BCL9: variants seen among roughly 807,000 people sequenced by gnomAD.
The protein encoded by BCL9 is BCL9 transcription coactivator, also known as B-cell CLL/lymphoma 9 protein.
BCL9 carries 25 observed loss-of-function variants against 88.5 expected under a neutral mutation model. The observed-to-expected ratio is 0.28, with a 90% CI of 0.21 to 0.39. BCL9 has a LOEUF of 0.39. BCL9 is among the 10% of genes least tolerant of loss of function. The pLI, the probability that BCL9 is intolerant of heterozygous loss-of-function variation, is 1.00. For synonymous variants in BCL9, 711 were observed against 673.3 expected (o/e 1.06, Z -0.87); for missense variants, 1,817 against 1,877.8 (o/e 0.97, Z 0.60).
chr1:147,624,446 A>C lies in BCL9; in HGVS notation c.3768A>C (p.Glu1256Asp). The C allele has an allele frequency of 6.2e-7, 1 of 1,614,224 alleles. No individual in the cohort carries two copies. Among genetic ancestry groups the C allele is most frequent in the Admixed American group, 1.7e-5 (1 of 60,028 alleles). The stretch of plus-strand genomic sequence containing the variant: ...CGCTGCAATATTTCCCTCGAGGGGA[A>C]GTTCCAGGCCGTAAACAGCCCCAGG... ...SQTLQYFPRG[E>D]VPGRKQPQGP... Residue 1256 changes from glutamate to aspartate, a missense_variant, in exon 10 of 10, where the codon GAA becomes GAC. Glu to Asp is a conservative substitution (Grantham distance 45). Coordinates refer to ENST00000234739, the MANE Select transcript of BCL9 (RefSeq NM_004326.4). The surrounding 1 kb of genome is among the most constrained non-coding windows in gnomAD (Gnocchi z 4.4).
At position 147,578,181 on chromosome 1, in the gene BCL9, C is replaced by T. The variant is rs1010668935; in HGVS notation, c.-477-26596C>T. Among the ~76,000 whole-genome samples, 12 of 152,248 alleles carry T rather than the reference C, an allele frequency of 7.9e-5. No homozygotes were observed. The East Asian group carries it at 2.3e-3, about 29-fold the overall frequency. ...CTGACTTCAATTATTCCCCTTTCCC[C>T]ATTAATTTAGTCAGTACTGCTTTCT... is the stretch of plus-strand genomic sequence containing the variant. On this transcript the variant is annotated intron_variant, in intron 1 of 9. Coordinates refer to ENST00000234739, the MANE Select transcript of BCL9 (RefSeq NM_004326.4).
At chr1:147,573,575 A>G (rs1570843385) in intron 1 of BCL9, among the ~76,000 whole-genome samples, 1 of 152,340 alleles carries the variant, frequency 6.6e-6, no homozygotes, top group East Asian at 1.9e-4. Context: ...CTCCGGAGTG[A>G]GACCGGGGTT....
chr1:147,604,283 A>G (rs1427182923), intron 1 of BCL9, among the ~76,000 whole-genome samples: 1 of 152,170 alleles, frequency 6.6e-6, no homozygotes, highest in Admixed American at 6.5e-5. Flanking sequence ...AGTCCGTGGG[A>G]TCCCAAGTTA....
At chr1:147,583,636 A>G (rs1399787605) in intron 1 of BCL9, among the ~76,000 whole-genome samples, 5 of 151,902 alleles carry the variant, frequency 3.3e-5, no homozygotes, top group Non-Finnish European at 5.9e-5. Context: ...TTACATTTGT[A>G]TGTAATCAAG....
Position 147,622,203 on chromosome 1 carries a change from T to C in BCL9, c.2903-68T>C, listed in dbSNP as rs587602411. On this transcript the variant is annotated intron_variant, in intron 8 of 9. Transcript: ENST00000234739. The stretch of plus-strand genomic sequence containing the variant: ...TCCTGGCCTTGCTAGTTCATAATCA[T>C]AGGGCCCAATACCCTTCAAAAGGAA... 2.5e-5 allele frequency: 40 copies of C among 1,582,352 alleles called. No individual in the cohort carries two copies. In the East Asian group the frequency reaches 8.5e-4, roughly 34 times the overall value.
In BCL9 at chr1:147,569,633, G is replaced by A. The variant is rs587752415; in HGVS notation, c.-478+27959G>A. ...CCACTGCACTCCAGCCTGGATAACA[G>A]AGTGAGACTCCGTCTCACAAAAAAA... is the stretch of plus-strand genomic sequence containing the variant. On this transcript the variant is annotated intron_variant, in intron 1 of 9. Transcript: ENST00000234739. Among the ~76,000 whole-genome samples, 4 of 151,276 alleles carry A rather than the reference G, an allele frequency of 2.6e-5. No individual in the cohort carries two copies. In the South Asian group the frequency reaches 8.4e-4, roughly 32 times the overall value.
intron 1 of BCL9, among the ~76,000 whole-genome samples, chr1:147,542,997 G>T (rs1279688657): frequency 1.3e-5 from 2 of 152,104 alleles, no homozygotes; most frequent in Admixed American, 1.3e-4. Flanking sequence ...GTGTGTGTAC[G>T]AGGCTAAGAA....
In BCL9 at chr1:147,620,489, C is replaced by T. The variant is rs1553205053; in HGVS notation, c.2334C>T (p.Gly778=). The change falls in exon 8 of 10, where the codon GGC becomes GGT. Residue 778 remains glycine (G), a synonymous_variant. Coordinates refer to ENST00000234739, the MANE Select transcript of BCL9 (RefSeq NM_004326.4). ...PFGEHPQQEY[G]MGPRPFLPMS... Reference sequence around the variant, plus strand: ...GTGAGCACCCCCAGCAGGAGTATGGCATGGGCCCCAGACCATTCCTTCCCA... The same window carrying T: ...GTGAGCACCCCCAGCAGGAGTATGGTATGGGCCCCAGACCATTCCTTCCCA... 1 of 1,614,170 alleles carries T rather than the reference C, an allele frequency of 6.2e-7. No homozygotes were observed.
At chr1:147,547,920 C>T (rs1470746996) in intron 1 of BCL9, among the ~76,000 whole-genome samples, 4 of 152,172 alleles carry the variant, frequency 2.6e-5, no homozygotes, top group Non-Finnish European at 5.9e-5. Flanking sequence ...TTTTAATGAT[C>T]TAAGTAGTTA....
intron 1 of BCL9, among the ~76,000 whole-genome samples, chr1:147,568,250 A>C (rs1340698461): frequency 6.6e-6 from 1 of 152,206 alleles, no homozygotes; most frequent in African/African-American, 2.4e-5. Context: ...TCTCCTAAGA[A>C]ATGCAGTTCT....
intron 1 of BCL9, among the ~76,000 whole-genome samples, chr1:147,587,725 A>G (rs1553199416): frequency 2.6e-5 from 4 of 151,272 alleles, no homozygotes; most frequent in Non-Finnish European, 4.4e-5. Flanking sequence ...AATGTTCTCT[A>G]ATGGTGGGAT....
chr1:147,586,802 C>T (rs1384311941), intron 1 of BCL9, among the ~76,000 whole-genome samples: 3 of 152,138 alleles, frequency 2.0e-5, no homozygotes, highest in African/African-American at 7.2e-5. Context: ...TAAGGCCCAG[C>T]TCAAATATCT....
Position 147,620,663 on chromosome 1 carries a change from A to G in BCL9, c.2508A>G (p.Pro836=), listed in dbSNP as rs1438802387. The G allele has an allele frequency of 1.9e-6, 3 of 1,614,192 alleles. No homozygotes were observed. Among genetic ancestry groups the G allele is most frequent in the Non-Finnish European group, 2.5e-6 (3 of 1,180,030 alleles). ...CCACCAGCCTCAACACAGCTCCTCC[A>G]GTTCAGCGCGGCCTGGGGCGGAAGC... The part of the protein sequence containing the change: ...SNPTSLNTAP[P]VQRGLGRKPL... Residue 836 remains proline (P), a synonymous_variant, in exon 8 of 10, where the codon CCA becomes CCG. Coordinates refer to ENST00000234739, the MANE Select transcript of BCL9 (RefSeq NM_004326.4).
chr1:147,546,252 G>A (rs587772894), intron 1 of BCL9, among the ~76,000 whole-genome samples: 126 of 152,000 alleles, frequency 8.3e-4, no homozygotes, highest in African/African-American at 3.0e-3. Context: ...GCAGGAGAAT[G>A]GTGTGAACCC....
chr1:147,559,199 C>G (rs1276513991), intron 1 of BCL9, among the ~76,000 whole-genome samples: 1 of 138,522 alleles, frequency 7.2e-6, no homozygotes. Flanking sequence ...AGTCAGTGAT[C>G]TTCTAATTTT....
chr1:147,603,111 G>T (rs1657486530), intron 1 of BCL9, among the ~76,000 whole-genome samples: 1 of 152,188 alleles, frequency 6.6e-6, no homozygotes, highest in South Asian at 2.1e-4. Context: ...TCCAATTTCT[G>T]TAAAACTACA....
intron 1 of BCL9, among the ~76,000 whole-genome samples, chr1:147,587,340 A>G (rs1656658645): frequency 6.6e-6 from 1 of 152,168 alleles, no homozygotes; most frequent in Admixed American, 6.5e-5. Context: ...GTCCACAGGC[A>G]GTCAGTCCTT....
At chr1:147,599,085 G>C (rs1248654764) in intron 1 of BCL9, among the ~76,000 whole-genome samples, 1 of 152,258 alleles carries the variant, frequency 6.6e-6, no homozygotes, top group Non-Finnish European at 1.5e-5. Flanking sequence ...AGCGACGTGA[G>C]GTCCTGGACA....
intron 1 of BCL9, among the ~76,000 whole-genome samples, chr1:147,552,528 C>T (rs1654946233): frequency 1.3e-5 from 2 of 152,304 alleles, no homozygotes; most frequent in South Asian, 4.1e-4. Flanking sequence ...ATCACTTGAA[C>T]CCAGGAGGCA....
Sources: gnomAD v4.1 joint callset for allele counts (sites outside exome capture counted in the v4.1 genomes callset) on GRCh38, gnomAD v4.1.1 for gene constraint, Gnocchi (gnomAD v3.1) non-coding constraint, MANE v1.5 for transcripts, NCBI Gene and HGNC (gene_info 2026-07-23, HGNC 2026-07-21) for gene names.